ZFHX4: variants seen among roughly 807,000 people sequenced by gnomAD.
ZFHX4 encodes zinc finger homeobox 4.
Under a neutral mutation model 267.6 loss-of-function variants are expected in ZFHX4, and 56 were observed. The ratio of observed to expected loss-of-function variants is 0.21; its 90% confidence interval spans 0.17 to 0.26. The LOEUF is 0.26. Ranked by LOEUF, ZFHX4 falls within the 10% of genes least tolerant of loss-of-function variation. The probability of loss-of-function intolerance (pLI) is 1.00; values close to 1 mark genes in which losing one functional copy is unlikely to be tolerated. For missense variants in ZFHX4, 4,332 were observed against 4,420.0 expected (o/e 0.98, Z 0.56); for synonymous variants, 1,778 against 1,665.6 (o/e 1.07, Z -1.64).
At chr8:76,781,375 T>G (rs1419319804) in intron 4 of ZFHX4, among the ~76,000 whole-genome samples, 1 of 152,028 alleles carries the variant, frequency 6.6e-6, no homozygotes, top group Non-Finnish European at 1.5e-5. Context: ...AAAGTTCCCT[T>G]CCAATACATG....
Position 76,704,119 on chromosome 8 carries a change from A to T in ZFHX4, c.31A>T (p.Arg11Trp). 1.9e-6 allele frequency: 3 copies of T among 1,612,856 alleles called. No homozygotes were observed. Among genetic ancestry groups the T allele is most frequent in the Non-Finnish European group, 2.5e-6 (3 of 1,179,252 alleles). Residue 11 changes from arginine (R) to tryptophan (W), a missense_variant, in exon 2 of 11, where the codon AGG (arginine) becomes TGG (tryptophan). By Grantham distance (101) the Arg-to-Trp change is moderately radical (BLOSUM62 -3). This residue lies in a region of ZFHX4 where 1,195 missense variants were observed against 1,173.6 expected (regional missense o/e 1.02). Transcript: ENST00000651372. METCDSPPIS[R>W]QENGQSTSKL... ...AACCTGTGACTCCCCTCCTATCTCA[A>T]GGCAGGAAAATGGGCAGAGCACATC...
intron 3 of ZFHX4, among the ~76,000 whole-genome samples, chr8:76,773,238 G>A (rs1810314843): frequency 6.6e-6 from 1 of 151,826 alleles, no homozygotes; most frequent in Non-Finnish European, 1.5e-5. Flanking sequence ...AATATAGAAG[G>A]ACCCAGGTTC....
intron 3 of ZFHX4, among the ~76,000 whole-genome samples, chr8:76,708,521 G>A (rs139511362): frequency 1.9e-4 from 29 of 152,206 alleles, no homozygotes; most frequent in African/African-American, 6.7e-4. Context: ...TTTCTTGTGT[G>A]TGCTCAGTAG....
At position 76,863,526 on chromosome 8, in the gene ZFHX4, C is replaced by A; in HGVS notation, c.9812C>A (p.Ala3271Asp). The change falls in exon 11 of 11, where the codon GCT becomes GAT. Residue 3271 changes from alanine (A) to aspartate (D), a missense_variant. Ala to Asp is a moderately radical substitution (Grantham distance 126, BLOSUM62 -2). Around this residue, in one of 7 missense-constraint regions of ZFHX4, gnomAD observed 1,648 missense variants for 1,625.0 expected, o/e 1.01. Coordinates refer to ENST00000651372, the MANE Select transcript of ZFHX4 (RefSeq NM_024721.5). ...TTGCCATACTTTATCCCTGGGTTTG[C>A]TTCTTATTTTACACCTCAGCTCCCT... ...QFLPYFIPGF[A>D]SYFTPQLPGT... 6.2e-7 allele frequency: 1 copy of A among 1,613,460 alleles called. No homozygotes were observed. Among genetic ancestry groups the A allele is most frequent in the South Asian group, 1.1e-5 (1 of 90,960 alleles).
intron 5 of ZFHX4, among the ~76,000 whole-genome samples, chr8:76,837,672 C>T (rs983669672): frequency 2.0e-5 from 3 of 152,180 alleles, no homozygotes; most frequent in African/African-American, 7.2e-5. Context: ...TACTGTATTC[C>T]AGGCACTGTT....
chr8:76,856,687 A>T (rs1177376997), intron 10 of ZFHX4, among the ~76,000 whole-genome samples: 1 of 152,160 alleles, frequency 6.6e-6, no homozygotes, highest in East Asian at 1.9e-4. Context: ...TAATATATTT[A>T]TTGGTATCTT....
intron 3 of ZFHX4, among the ~76,000 whole-genome samples, chr8:76,731,386 G>C (rs1425855691): frequency 6.6e-6 from 1 of 152,170 alleles, no homozygotes; most frequent in East Asian, 1.9e-4. Flanking sequence ...TTGGAGATGG[G>C]GAGAAGGGAG....
intron 3 of ZFHX4, among the ~76,000 whole-genome samples, chr8:76,767,157 G>A (rs1203458133): frequency 6.6e-6 from 1 of 151,938 alleles, no homozygotes; most frequent in Middle Eastern, 3.2e-3. Flanking sequence ...TTGCATTCCA[G>A]CTTTATTACT....
chr8:76,822,955 A>G (rs1377345772), intron 4 of ZFHX4, among the ~76,000 whole-genome samples: 5 of 152,152 alleles, frequency 3.3e-5, no homozygotes, highest in Non-Finnish European at 5.9e-5. Context: ...TTATATGTTT[A>G]CTAAACCTCT....
In ZFHX4 at chr8:76,843,937, G is replaced by A. The variant is rs771055638; in HGVS notation, c.3511+1166G>A. 3.3e-5 allele frequency among the ~76,000 whole-genome samples: 5 copies of A among 152,020 alleles called. No homozygotes were observed. In the East Asian group the frequency reaches 9.7e-4, roughly 29 times the overall value. ...GTTCAGTACTAAATTTCTTTCAGGAGGCCAGTGAGAAAAGCGTCACTGAGA... is the reference window on the plus strand; with the variant it reads ...GTTCAGTACTAAATTTCTTTCAGGAAGCCAGTGAGAAAAGCGTCACTGAGA... On this transcript the variant is annotated intron_variant, in intron 6 of 10. Coordinates refer to ENST00000651372, the MANE Select transcript of ZFHX4 (RefSeq NM_024721.5).
chr8:76,849,213 T>C, intron 7 of ZFHX4, 85 bp downstream of exon 7: 3 of 1,418,378 alleles, frequency 2.1e-6, no homozygotes, highest in South Asian at 2.9e-5. Context: ...GATTCCATGC[T>C]GTTGAAATGT....
At chr8:76,856,751 G>A (rs1363938850) in intron 10 of ZFHX4, among the ~76,000 whole-genome samples, 7 of 151,826 alleles carry the variant, frequency 4.6e-5, no homozygotes, top group Admixed American at 3.9e-4. Context: ...TGTCCCCCCC[G>A]CCGCCACCCT....
At position 76,855,072 on chromosome 8, in the gene ZFHX4, C is replaced by G; in HGVS notation, c.8151C>G (p.Thr2717=). 2 of 1,613,850 alleles carry G rather than the reference C, an allele frequency of 1.2e-6. No individual in the cohort carries two copies. Among genetic ancestry groups the G allele is most frequent in the Non-Finnish European group, 1.7e-6 (2 of 1,179,864 alleles). ...YSLPPSPLIS[T]EDGGESPQKY... ...TGCCACCAAGCCCTTTAATATCCAC[C>G]GAAGATGGGGGAGAAAGCCCACAGA... Residue 2717 remains threonine, a synonymous_variant, in exon 10 of 11, where the codon ACC becomes ACG. Coordinates refer to ENST00000651372, the MANE Select transcript of ZFHX4 (RefSeq NM_024721.5).
Position 76,705,586 on chromosome 8 carries a change from T to A in ZFHX4, c.1498T>A (p.Phe500Ile), listed in dbSNP as rs1180298790. The A allele has an allele frequency of 2.5e-6, 4 of 1,613,744 alleles. No homozygotes were observed. The Admixed American group carries it at 6.7e-5, about 27-fold the overall frequency. The change falls in exon 2 of 11, where the codon TTC becomes ATC. Residue 500 changes from phenylalanine (F) to isoleucine (I), a missense_variant. Phe to Ile is a conservative substitution (Grantham distance 21). Around this residue, in one of 7 missense-constraint regions of ZFHX4, gnomAD observed 1,195 missense variants for 1,173.6 expected, o/e 1.02. Transcript: ENST00000651372. ...CACCGATAGTATTGGTAACAAAGAT[T>A]TCCCTCTCTTAAACCAAAGCATTTC... ...ELTDSIGNKDFPLLNQSISPL... is the reference protein window; with the variant it reads ...ELTDSIGNKDIPLLNQSISPL...
rs777270053 is a variant in ZFHX4, at chr8:76,863,307, A to T, written c.9593A>T (p.Lys3198Met). ...GAGAAAAAGCAAACTAAGCCAAACA[A>T]GGTGAAAAAAATCAAAGAGGAGGAA... ...ESEKKQTKPN[K>M]VKKIKEEELE... The change falls in exon 11 of 11, where the codon AAG becomes ATG. Residue 3198 changes from lysine to methionine, a missense_variant. Lys to Met is a moderately conservative substitution (Grantham distance 95, BLOSUM62 -1). This residue lies in a region of ZFHX4 where 1,648 missense variants were observed against 1,625.0 expected (regional missense o/e 1.01). Coordinates refer to ENST00000651372, the MANE Select transcript of ZFHX4 (RefSeq NM_024721.5). 166 of 1,613,184 alleles carry T rather than the reference A, an allele frequency of 1.0e-4. No homozygotes were observed. Among genetic ancestry groups the T allele is most frequent in the Non-Finnish European group, 1.4e-4 (160 of 1,179,712 alleles).
intron 1 of ZFHX4, among the ~76,000 whole-genome samples, chr8:76,684,686 T>G (rs1160609589): frequency 1.3e-5 from 2 of 152,168 alleles, no homozygotes; most frequent in Non-Finnish European, 2.9e-5. Flanking sequence ...TGGACTCTGG[T>G]TCTATGAAGT....
chr8:76,807,485 T>G (rs2131838397), intron 4 of ZFHX4, among the ~76,000 whole-genome samples: 1 of 152,234 alleles, frequency 6.6e-6, no homozygotes, highest in South Asian at 2.1e-4. Context: ...AGGGGGTTTC[T>G]GTTTGGGATA....
intron 3 of ZFHX4, among the ~76,000 whole-genome samples, chr8:76,761,171 A>G (rs935893745): frequency 4.0e-4 from 61 of 152,348 alleles, no homozygotes; most frequent in Admixed American, 1.4e-3. Flanking sequence ...TGTTTTATAC[A>G]TAAAGTATTT....
At chr8:76,743,595 T>TG (rs1391660949) in intron 3 of ZFHX4, among the ~76,000 whole-genome samples, 1 of 152,192 alleles carries the variant, frequency 6.6e-6, no homozygotes, top group Non-Finnish European at 1.5e-5. Context: ...TAAAGGAGCT[T>TG]AAGTCACAGC....
Sources: allele counts gnomAD v4.1 joint callset (sites outside exome capture counted in the v4.1 genomes callset), GRCh38; gene constraint gnomAD v4.1.1; regional missense constraint gnomAD v4.1.1; transcripts MANE v1.5; gene names NCBI Gene and HGNC (gene_info 2026-07-23, HGNC 2026-07-21).